ESRRG: variants seen among roughly 807,000 people sequenced by gnomAD.
The protein encoded by ESRRG is estrogen related receptor gamma, also known as estrogen-related receptor gamma.
ESRRG carries 13 observed loss-of-function variants against 44.0 expected under a neutral mutation model. The observed-to-expected ratio is 0.30, with a 90% CI of 0.19 to 0.47. The LOEUF is 0.47. Ranked by LOEUF, ESRRG falls within the 20% of genes least tolerant of loss-of-function variation. ESRRG has a pLI of 1.00. For missense variants in ESRRG, 395 were observed against 580.6 expected (o/e 0.68, Z 3.29); for synonymous variants, 215 against 214.6 (o/e 1.00, Z -0.02).
At chr1:216,592,649 C>T (rs1240168968) in intron 3 of ESRRG, among the ~76,000 whole-genome samples, 2 of 152,054 alleles carry the variant, frequency 1.3e-5, no homozygotes, top group Non-Finnish European at 2.9e-5. Context: ...TACAGGCATG[C>T]ACCACCACGC....
chr1:216,867,096 A>G (rs1275379990), intron 2 of ESRRG, among the ~76,000 whole-genome samples: 2 of 152,156 alleles, frequency 1.3e-5, no homozygotes, highest in Non-Finnish European at 2.9e-5. Context: ...TTCAGTATGT[A>G]TGCAACGTGC....
chr1:217,049,334 C>T (rs1346340325), intron 1 of ESRRG, among the ~76,000 whole-genome samples: 1 of 152,144 alleles, frequency 6.6e-6, no homozygotes, highest in Non-Finnish European at 1.5e-5. Context: ...GTCTCCTAAA[C>T]CTATTTGCCT....
At chr1:217,115,381 A>G (rs4846815) in intron 1 of ESRRG, among the ~76,000 whole-genome samples, 59,462 of 151,884 alleles carry the variant, frequency 0.39, 12,737 homozygotes, top group East Asian at 0.6. Context: ...TGCCCCAACC[A>G]GCCTGGCTTT....
chr1:217,093,607 ACCC>A (rs2092381953), upstream of ESRRG, among the ~76,000 whole-genome samples: 1 of 152,050 alleles, frequency 6.6e-6, no homozygotes, highest in Non-Finnish European at 1.5e-5. Context: ...ATGTAATGAG[ACCC>A]CTTCTCTGCA....
intron 2 of ESRRG, among the ~76,000 whole-genome samples, chr1:216,751,838 T>A (rs28570322): frequency 1.9e-5 from 2 of 105,864 alleles, no homozygotes; most frequent in African/African-American, 6.0e-5. Context: ...ATATATATAT[T>A]TTTTTCTTTT....
At chr1:216,610,889 A>G (rs969751413) in intron 3 of ESRRG, among the ~76,000 whole-genome samples, 1 of 152,160 alleles carries the variant, frequency 6.6e-6, no homozygotes, top group Non-Finnish European at 1.5e-5. Context: ...AAAATGGTAG[A>G]GGCAGAACTG....
At chr1:217,064,240 T>G (rs932032556) in intron 1 of ESRRG, among the ~76,000 whole-genome samples, 1 of 151,976 alleles carries the variant, frequency 6.6e-6, no homozygotes, top group African/African-American at 2.4e-5. Flanking sequence ...CACATATGTG[T>G]TATGTGTATA....
chr1:216,522,491 A>G (rs1572203983), intron 5 of ESRRG, among the ~76,000 whole-genome samples: 1 of 151,920 alleles, frequency 6.6e-6, no homozygotes, highest in South Asian at 2.1e-4. Context: ...CTCTCATTTT[A>G]CCCCTTTCCT....
intron 2 of ESRRG, among the ~76,000 whole-genome samples, chr1:216,836,306 C>G (rs554231758): frequency 2.6e-5 from 4 of 152,238 alleles, no homozygotes; most frequent in African/African-American, 9.6e-5. Context: ...ATTATACCCA[C>G]AAGTTTCAAG....
At chr1:216,927,447 G>A (rs577026746) in intron 2 of ESRRG, among the ~76,000 whole-genome samples, 1 of 152,310 alleles carries the variant, frequency 6.6e-6, no homozygotes, top group South Asian at 2.1e-4. Flanking sequence ...AGTGACCAGT[G>A]AGAATATCCC....
At chr1:216,671,342 C>A (rs1405262165) in intron 2 of ESRRG, among the ~76,000 whole-genome samples, 1 of 152,122 alleles carries the variant, frequency 6.6e-6, no homozygotes, top group African/African-American at 2.4e-5. Context: ...ATAAAGGCAC[C>A]ATCAGTGAGA....
intron 5 of ESRRG, among the ~76,000 whole-genome samples, chr1:216,556,665 C>A (rs2057651190): frequency 6.6e-6 from 1 of 152,140 alleles, no homozygotes; most frequent in Non-Finnish European, 1.5e-5. Flanking sequence ...ATCTTTCCAG[C>A]CTCAAGTCAC....
At chr1:216,738,777 T>C (rs871556) in intron 2 of ESRRG, among the ~76,000 whole-genome samples, 84,440 of 152,020 alleles carry the variant, frequency 0.56, 24,042 homozygotes, top group East Asian at 0.73. Flanking sequence ...CCTGAATACA[T>C]GCTAATGTTT....
chr1:216,823,343 C>T (rs1345309727), intron 2 of ESRRG, among the ~76,000 whole-genome samples: 7 of 152,222 alleles, frequency 4.6e-5, no homozygotes, highest in South Asian at 4.2e-4. Context: ...AAAGAGGCCA[C>T]AGTACTGTTG....
chr1:217,022,739 T>C (rs1469560932), intron 1 of ESRRG, among the ~76,000 whole-genome samples: 1 of 152,094 alleles, frequency 6.6e-6, no homozygotes, highest in East Asian at 1.9e-4. Context: ...GTACACTTTG[T>C]TTTGTTCAGT....
At chr1:216,976,136 T>C (rs1355107845) in intron 1 of ESRRG, among the ~76,000 whole-genome samples, 1 of 152,140 alleles carries the variant, frequency 6.6e-6, no homozygotes, top group Non-Finnish European at 1.5e-5. Flanking sequence ...AGTAGAGTCC[T>C]ACATTAATCC....
At chr1:216,745,152 T>TTTTG (rs550674868) in intron 2 of ESRRG, among the ~76,000 whole-genome samples, 9 of 152,042 alleles carry the variant, frequency 5.9e-5, no homozygotes, top group East Asian at 1.9e-4. Flanking sequence ...TTTTTTTGTT[T>TTTTG]TTTGTTTGTT....
chr1:216,983,571 C>T (rs1428173923), intron 1 of ESRRG, among the ~76,000 whole-genome samples: 2 of 151,926 alleles, frequency 1.3e-5, no homozygotes, highest in African/African-American at 4.8e-5. Flanking sequence ...GACTTACTTC[C>T]TTTTTCAAAA....
intron 1 of ESRRG, among the ~76,000 whole-genome samples, chr1:217,113,356 T>C (rs1466922016): frequency 1.3e-5 from 2 of 152,144 alleles, no homozygotes; most frequent in African/African-American, 2.4e-5. Context: ...CTGCTGTGTG[T>C]CTCCCATCCC....
Sources: gnomAD v4.1 joint callset for allele counts (sites outside exome capture counted in the v4.1 genomes callset) on GRCh38, gnomAD v4.1.1 for gene constraint, MANE v1.5 for transcripts, NCBI Gene and HGNC (gene_info 2026-07-23, HGNC 2026-07-21) for gene names.